The following BTBD9 variants were observed in gnomAD, a reference collection of about 807,000 sequenced individuals.
BTBD9 encodes the protein BTB/POZ domain-containing protein 9.
A neutral mutation model predicts 64.3 loss-of-function variants in BTBD9; 49 were observed. The ratio of observed to expected loss-of-function variants is 0.76; its 90% CI spans 0.61 to 0.97. The LOEUF (loss-of-function observed/expected upper bound fraction) is 0.97. Ranked by LOEUF, BTBD9 falls within the 50% of genes least tolerant of loss-of-function variation. The pLI is 0.00. For synonymous variants in BTBD9, 260 were observed against 274.7 expected, an observed-to-expected ratio of 0.95 and a Z score of 0.53; for missense variants, 598 against 762.1, an observed-to-expected ratio of 0.78 and a Z score of 2.53.
At chr6:38,240,242 GAGA>G (rs1340847193) in intron 9 of BTBD9, among the ~76,000 whole-genome samples, 1 of 152,220 alleles carries the variant, frequency 6.6e-6, no homozygotes. Context: ...GAGTCACTCA[GAGA>G]AGATTTGGTC....
At chr6:38,448,967 C>T (rs1769399246) in intron 6 of BTBD9, among the ~76,000 whole-genome samples, 1 of 152,014 alleles carries the variant, frequency 6.6e-6, no homozygotes, top group South Asian at 2.1e-4. Flanking sequence ...AACTCAGAGA[C>T]CATGGAGTAA....
At chr6:38,545,320 A>T (rs1774483815) in intron 6 of BTBD9, among the ~76,000 whole-genome samples, 1 of 152,008 alleles carries the variant, frequency 6.6e-6, no homozygotes. Flanking sequence ...TGATCTCTTG[A>T]CCTCTGGTGA....
chr6:38,361,383 A>C (rs1030685127), intron 6 of BTBD9, among the ~76,000 whole-genome samples: 1 of 152,014 alleles, frequency 6.6e-6, no homozygotes, highest in Non-Finnish European at 1.5e-5. Context: ...GTCTTTACAA[A>C]AACAGGAATT....
chr6:38,407,400 A>G (rs539305077), intron 6 of BTBD9, among the ~76,000 whole-genome samples: 6 of 152,226 alleles, frequency 3.9e-5, no homozygotes, highest in African/African-American at 1.4e-4. Context: ...TTTGAGTTCT[A>G]GTTCTTTGCA....
At chr6:38,277,741 A>C (rs528143581) in intron 8 of BTBD9, among the ~76,000 whole-genome samples, 1 of 152,364 alleles carries the variant, frequency 6.6e-6, no homozygotes, top group Admixed American at 6.5e-5. Context: ...TTTAAAAATA[A>C]AAGGGAAAAA....
chr6:38,451,917 G>A (rs943553683), intron 6 of BTBD9, among the ~76,000 whole-genome samples: 12 of 152,082 alleles, frequency 7.9e-5, no homozygotes, highest in African/African-American at 2.9e-4. Flanking sequence ...ATTTTACAAT[G>A]TGAGCATCTT....
intron 6 of BTBD9, among the ~76,000 whole-genome samples, chr6:38,474,156 A>C (rs1027286505): frequency 6.6e-5 from 10 of 152,190 alleles, no homozygotes; most frequent in Admixed American, 6.5e-5. Flanking sequence ...GAACACTCTA[A>C]CTGCTGAGTA....
At chr6:38,244,081 C>T (rs928326248) in intron 9 of BTBD9, among the ~76,000 whole-genome samples, 4 of 152,152 alleles carry the variant, frequency 2.6e-5, no homozygotes, top group African/African-American at 9.7e-5. Context: ...CATGCCTTTC[C>T]TTTCTGTTAC....
At chr6:38,630,605 G>A (rs1202547215) in intron 1 of BTBD9, among the ~76,000 whole-genome samples, 1 of 152,172 alleles carries the variant, frequency 6.6e-6, no homozygotes, top group Non-Finnish European at 1.5e-5. Context: ...TACTATTCCA[G>A]CAATTTTCCT....
intron 9 of BTBD9, among the ~76,000 whole-genome samples, chr6:38,246,460 A>T (rs1389548326): frequency 7.1e-6 from 1 of 141,198 alleles, no homozygotes; most frequent in Non-Finnish European, 1.5e-5. Context: ...ACGTGCACGT[A>T]CGTGTGTGTG....
chr6:38,325,129 T>C (rs187163260), intron 7 of BTBD9, among the ~76,000 whole-genome samples: 129 of 152,132 alleles, frequency 8.5e-4, no homozygotes, highest in African/African-American at 3.1e-3. Flanking sequence ...GGTGAGAAAG[T>C]ATAAAAAAGA....
chr6:38,619,513 A>C (rs890829685), intron 1 of BTBD9, among the ~76,000 whole-genome samples: 5 of 152,204 alleles, frequency 3.3e-5, no homozygotes, highest in African/African-American at 7.2e-5. Context: ...CATGTCCACT[A>C]TGCTGAGGCA....
At chr6:38,421,525 G>A (rs2814899) in intron 6 of BTBD9, among the ~76,000 whole-genome samples, 74,994 of 152,100 alleles carry the variant, frequency 0.49, 18,952 homozygotes, top group Middle Eastern at 0.64. Flanking sequence ...CTTTGTACAT[G>A]TATGTCTAAG....
chr6:38,337,074 T>C (rs939717948), intron 7 of BTBD9, among the ~76,000 whole-genome samples: 3 of 152,218 alleles, frequency 2.0e-5, no homozygotes, highest in Admixed American at 6.5e-5. Context: ...GACTCACTAG[T>C]GCCACTGTAG....
chr6:38,477,224 AGAG>A (rs1436907346), intron 6 of BTBD9, among the ~76,000 whole-genome samples: 9 of 152,278 alleles, frequency 5.9e-5, no homozygotes, highest in African/African-American at 2.2e-4. Context: ...AATCAAAATT[AGAG>A]GAGAGTAAAG....
chr6:38,256,809 G>C (rs950537554), intron 8 of BTBD9, among the ~76,000 whole-genome samples: 7 of 152,184 alleles, frequency 4.6e-5, no homozygotes, highest in African/African-American at 1.7e-4. Context: ...CACCTTTCCA[G>C]CTTCTTCTAG....
At chr6:38,585,434 A>C (rs1055196642) in intron 4 of BTBD9, among the ~76,000 whole-genome samples, 3 of 152,048 alleles carry the variant, frequency 2.0e-5, no homozygotes, top group Non-Finnish European at 4.4e-5. Flanking sequence ...TCAGCTTCCC[A>C]AGCATCTGGG....
intron 6 of BTBD9, among the ~76,000 whole-genome samples, chr6:38,484,957 A>C (rs1373752298): frequency 6.6e-6 from 1 of 152,218 alleles, no homozygotes; most frequent in African/African-American, 2.4e-5. Flanking sequence ...TCTTTCATGA[A>C]AGATTTATCT....
intron 9 of BTBD9, among the ~76,000 whole-genome samples, chr6:38,221,679 T>C (rs551276348): frequency 6.6e-6 from 1 of 152,322 alleles, no homozygotes; most frequent in South Asian, 2.1e-4. Flanking sequence ...CTCTGAAGAA[T>C]AAGCAATGCT....
Sources: allele counts gnomAD v4.1 joint callset (sites outside exome capture counted in the v4.1 genomes callset), GRCh38; gene constraint gnomAD v4.1.1; transcripts MANE v1.5; gene names NCBI Gene and HGNC (gene_info 2026-07-23, HGNC 2026-07-21).